APBB2: variants seen among roughly 807,000 people sequenced by gnomAD.
APBB2 encodes the protein amyloid beta precursor protein binding family B member 2.
APBB2 carries 38 observed loss-of-function variants against 82.5 expected under a neutral mutation model. The observed-to-expected ratio is 0.46, with a 90% CI of 0.36 to 0.60. The LOEUF is 0.60. Ranked by LOEUF, APBB2 falls within the 20% of genes least tolerant of loss-of-function variation. The probability of loss-of-function intolerance (pLI) is 0.00; values close to 1 mark genes in which losing one functional copy is unlikely to be tolerated. For synonymous variants in APBB2, 341 were observed against 368.2 expected, an observed-to-expected ratio of 0.93 and a Z score of 0.85; for missense variants, 772 against 972.3, an observed-to-expected ratio of 0.79 and a Z score of 2.74.
chr4:40,925,266 T>C (rs549568741), intron 10 of APBB2, among the ~76,000 whole-genome samples: 58 of 152,360 alleles, frequency 3.8e-4, no homozygotes, highest in South Asian at 1.0e-3. Context: ...GAATGCTTAT[T>C]ATGTGCTAAG....
chr4:40,898,855 T>TCACA (rs777366496), intron 10 of APBB2, among the ~76,000 whole-genome samples: 43 of 118,294 alleles, frequency 3.6e-4, no homozygotes, highest in Admixed American at 9.8e-4. Flanking sequence ...ACACACACAC[T>TCACA]CACACACACA....
chr4:41,029,631 G>C (rs1181258013), intron 5 of APBB2, among the ~76,000 whole-genome samples: 3 of 152,144 alleles, frequency 2.0e-5, no homozygotes, highest in African/African-American at 7.2e-5. Context: ...GCTTGATTTA[G>C]CCATTCCACA....
At chr4:40,878,455 T>G (rs1384761915) in intron 12 of APBB2, among the ~76,000 whole-genome samples, 1 of 152,162 alleles carries the variant, frequency 6.6e-6, no homozygotes, top group African/African-American at 2.4e-5. Flanking sequence ...CTGCTTGGCT[T>G]TGTCCTCCCC....
intron 10 of APBB2, among the ~76,000 whole-genome samples, chr4:40,930,297 A>T (rs144293920): frequency 6.6e-6 from 1 of 152,146 alleles, no homozygotes; most frequent in African/African-American, 2.4e-5. Context: ...GTTAAACAGG[A>T]GACTCAGAAT....
chr4:40,928,595 A>G, intron 10 of APBB2, among the ~76,000 whole-genome samples: 1 of 148,836 alleles, frequency 6.7e-6, no homozygotes, highest in Non-Finnish European at 1.5e-5. Flanking sequence ...ATAATTTTAA[A>G]AAAAATGTGG....
At chr4:41,099,297 T>A (rs903558799) in intron 3 of APBB2, among the ~76,000 whole-genome samples, 3 of 152,118 alleles carry the variant, frequency 2.0e-5, no homozygotes, top group African/African-American at 7.2e-5. Flanking sequence ...GGCGCAATCT[T>A]GGCTCACTGC....
chr4:41,011,970 C>G (rs1209180796), intron 6 of APBB2, among the ~76,000 whole-genome samples: 5 of 152,144 alleles, frequency 3.3e-5, no homozygotes, highest in Non-Finnish European at 2.9e-5. Context: ...TCAAGTGATC[C>G]TCCTGCCTCA....
At chr4:40,949,605 C>G (rs1039277119) in intron 6 of APBB2, among the ~76,000 whole-genome samples, 1 of 152,024 alleles carries the variant, frequency 6.6e-6, no homozygotes, top group African/African-American at 2.4e-5. Context: ...CGAGAGGGAG[C>G]ACAAGCAGAA....
intron 3 of APBB2, among the ~76,000 whole-genome samples, chr4:41,082,848 T>C (rs1274560853): frequency 2.6e-5 from 4 of 152,128 alleles, no homozygotes; most frequent in African/African-American, 7.2e-5. Flanking sequence ...CATACACTGA[T>C]AGATTATGGA....
intron 6 of APBB2, among the ~76,000 whole-genome samples, chr4:40,997,178 C>G (rs1027749349): frequency 6.6e-6 from 1 of 152,114 alleles, no homozygotes; most frequent in African/African-American, 2.4e-5. Flanking sequence ...CTATATAAAC[C>G]CCTAAGTTTA....
intron 6 of APBB2, among the ~76,000 whole-genome samples, chr4:40,993,269 TG>T (rs1233587368): frequency 6.6e-6 from 1 of 152,024 alleles, no homozygotes; most frequent in Non-Finnish European, 1.5e-5. Flanking sequence ...GTAAAGCTTA[TG>T]GCACAAATTC....
intron 6 of APBB2, among the ~76,000 whole-genome samples, chr4:40,976,764 C>T (rs2154401061): frequency 6.6e-6 from 1 of 152,162 alleles, no homozygotes; most frequent in South Asian, 2.1e-4. Flanking sequence ...TCAGATGGGG[C>T]AAGGTGGCTC....
At chr4:40,842,887 C>T (rs970350342) in intron 12 of APBB2, among the ~76,000 whole-genome samples, 1 of 151,864 alleles carries the variant, frequency 6.6e-6, no homozygotes, top group Admixed American at 6.6e-5. Flanking sequence ...GGAGGCAGCA[C>T]AGGTCAAGGG....
intron 12 of APBB2, among the ~76,000 whole-genome samples, chr4:40,836,472 CA>C (rs1267129483): frequency 6.6e-6 from 1 of 151,612 alleles, no homozygotes; most frequent in Admixed American, 6.6e-5. Flanking sequence ...AGCAAGACTC[CA>C]TCTCAAAAAC....
At chr4:40,856,289 A>T (rs1311354677) in intron 12 of APBB2, among the ~76,000 whole-genome samples, 1 of 152,254 alleles carries the variant, frequency 6.6e-6, no homozygotes, top group Non-Finnish European at 1.5e-5. Context: ...GTGCCTGGTT[A>T]CAATATTGGT....
chr4:40,922,452 G>T (rs900980582), intron 10 of APBB2, among the ~76,000 whole-genome samples: 3 of 152,184 alleles, frequency 2.0e-5, no homozygotes, highest in Non-Finnish European at 2.9e-5. Context: ...CTACTGAAAT[G>T]ATTTTCTTAT....
At chr4:40,987,031 T>C (rs10938478) in intron 6 of APBB2, among the ~76,000 whole-genome samples, 15,851 of 152,206 alleles carry the variant, frequency 0.1, 893 homozygotes, top group Admixed American at 0.16. Flanking sequence ...CCAAAAATCA[T>C]ATCAGTTAAA....
chr4:41,035,708 T>C (rs1718881466), intron 4 of APBB2, among the ~76,000 whole-genome samples: 1 of 152,222 alleles, frequency 6.6e-6, no homozygotes, highest in Non-Finnish European at 1.5e-5. Context: ...CATCCATGCA[T>C]TCAACCAAGT....
chr4:41,104,202 A>T (rs1746375725), intron 2 of APBB2, among the ~76,000 whole-genome samples: 1 of 152,248 alleles, frequency 6.6e-6, no homozygotes, highest in Non-Finnish European at 1.5e-5. Flanking sequence ...GCAAGTAAGA[A>T]AAGAGAGATT....
Sources: allele counts gnomAD v4.1 joint callset (sites outside exome capture counted in the v4.1 genomes callset), GRCh38; gene constraint gnomAD v4.1.1; transcripts MANE v1.5; gene names NCBI Gene and HGNC (gene_info 2026-07-23, HGNC 2026-07-21).